Variants in AMMECR1 observed in about 807,000 individuals in gnomAD.
The protein encoded by AMMECR1 is nuclear protein AMMECR1.
AMMECR1 carries 3 observed loss-of-function variants against 22.5 expected under a neutral mutation model. That is an observed-to-expected ratio of 0.13 (90% confidence interval 0.06 to 0.35). The LOEUF is 0.35. Among genes scored for constraint, AMMECR1 ranks in the 10% least tolerant of loss-of-function variants. The pLI is 1.00. For missense variants in AMMECR1, 235 were observed against 278.7 expected, an observed-to-expected ratio of 0.84 and a Z score of 1.12; for synonymous variants, 130 against 116.7, an observed-to-expected ratio of 1.11 and a Z score of -0.74.
Position 110,413,514 on chromosome X carries a change from A to AC in AMMECR1, c.-148+13143dup, listed in dbSNP as rs538812473. On this transcript the variant is annotated intron_variant, in intron 2 of 7. Transcript: ENST00000372057. Reference sequence around the variant, plus strand: ...CTTTATAACCATCCCCTCCTGGTCAACCCCCCCCCACCCCCACATTCAACG... The same window carrying AC: ...CTTTATAACCATCCCCTCCTGGTCAACCCCCCCCCCACCCCCACATTCAACG... Among the ~76,000 whole-genome samples the AC allele has an allele frequency of 6.1e-3, 572 of 93,188 alleles. 3 individuals carry two copies. Among genetic ancestry groups the AC allele is most frequent in the African/African-American group, 0.015 (372 of 24,595 alleles). The allele number at this position is 93,188 out of a possible 115,157, so 80.9% of individuals were successfully genotyped here.
Position 110,366,061 on chromosome X carries a change from C to T in AMMECR1, c.-147-48212G>A, listed in dbSNP as rs148421936. Among the ~76,000 whole-genome samples the T allele has an allele frequency of 9.6e-3, 1,064 of 111,372 alleles. 10 individuals are homozygous for T. Among genetic ancestry groups the T allele is most frequent in the African/African-American group, 0.033 (1,007 of 30,626 alleles). On this transcript the variant is annotated intron_variant, in intron 2 of 7. Coordinates refer to the AMMECR1 transcript ENST00000372057. ...TCAGCTGCAGAATAGAGAGATGGCCCGGGGAGGACATGTGTTGGTTCCTGC... is the reference window on the plus strand; with the variant it reads ...TCAGCTGCAGAATAGAGAGATGGCCTGGGGAGGACATGTGTTGGTTCCTGC...
chrX:110,345,764 T>C (rs892417460), intron 2 of AMMECR1, among the ~76,000 whole-genome samples: 2 of 111,442 alleles, frequency 1.8e-5, no homozygotes, highest in South Asian at 7.4e-4. Context: ...AAAAATACAA[T>C]AGTATTACCC....
At chrX:110,347,503 A>G (rs956412126) in intron 2 of AMMECR1, among the ~76,000 whole-genome samples, 1 of 112,808 alleles carries the variant, frequency 8.9e-6, no homozygotes, top group African/African-American at 3.2e-5. Flanking sequence ...TAATTCTGTA[A>G]TGTATTCTTC....
chrX:110,371,899 T>C (rs1196150977), intron 2 of AMMECR1, among the ~76,000 whole-genome samples: 3 of 111,543 alleles, frequency 2.7e-5, no homozygotes, highest in Admixed American at 9.5e-5. Flanking sequence ...GCTCACACTG[T>C]TATAAACAGT....
intron 2 of AMMECR1, among the ~76,000 whole-genome samples, chrX:110,413,264 C>T (rs1206806900): frequency 9.0e-6 from 1 of 111,485 alleles, no homozygotes; most frequent in Non-Finnish European, 1.9e-5. Flanking sequence ...ACCTCCGGGC[C>T]TGGAAGTGCT....
chrX:110,317,772 C>A lies in AMMECR1; in HGVS notation c.300G>T (p.Pro100=), dbSNP rs773829095. 2.5e-6 allele frequency: 3 copies of A among 1,176,496 alleles called. No homozygotes were observed. The highest frequency in any genetic ancestry group is 3.4e-6 in the Non-Finnish European group (3 of 877,685). ...SCGVGTLLST[P]AAATSSSPSS... ...AGGGTGAGGAAGAGGTGGCGGCGGC[C>A]GGGGTAGAAAGTAGGGTCCCCACTC... The change falls in exon 1 of 6, where the codon CCG becomes CCT. Residue 100 remains proline (P), a synonymous_variant. Coordinates refer to ENST00000262844, the MANE Select transcript of AMMECR1 (RefSeq NM_015365.3).
intron 1 of AMMECR1, among the ~76,000 whole-genome samples, chrX:110,287,549 C>T (rs2067886835): frequency 9.0e-6 from 1 of 111,611 alleles, no homozygotes; most frequent in African/African-American, 3.3e-5. Context: ...GGGAAGAAAT[C>T]AGTGTGTATA....
intron 2 of AMMECR1, among the ~76,000 whole-genome samples, chrX:110,381,494 C>T (rs2068418680): frequency 1.8e-5 from 2 of 111,662 alleles, no homozygotes; most frequent in South Asian, 7.5e-4. Flanking sequence ...GTTAGTTCAG[C>T]CCCTGTGGAA....
Position 110,198,405 on chromosome X carries a change from C to T in AMMECR1, c.*115G>A, listed in dbSNP as rs778379138. On this transcript the variant is annotated 3_prime_UTR_variant, in exon 6 of 6. Transcript: ENST00000262844. ...CGATGTCGAAGCTTCACCATGGCAA[C>T]GGAAACTATCATCATAAAATGGTAC... The T allele has an allele frequency of 1.9e-5, 7 of 376,458 alleles. No homozygotes were observed. Among genetic ancestry groups the T allele is most frequent in the East Asian group, 8.7e-5 (2 of 23,017 alleles). 31.0% of individuals were successfully genotyped at this position (376,458 alleles called of 1,213,427 possible).
chrX:110,366,998 T>C (rs1045745013), intron 2 of AMMECR1, among the ~76,000 whole-genome samples: 1 of 111,931 alleles, frequency 8.9e-6, no homozygotes, highest in African/African-American at 3.3e-5. Flanking sequence ...ATAGAAGTTG[T>C]CAGAAAAGAA....
intron 2 of AMMECR1, among the ~76,000 whole-genome samples, chrX:110,362,142 AAT>A (rs1335591083): frequency 3.6e-5 from 4 of 111,334 alleles, no homozygotes; most frequent in Non-Finnish European, 7.6e-5. Flanking sequence ...TGGAATAAAA[AAT>A]ATATATATAT....
Position 110,340,146 on chromosome X carries a change from G to A in AMMECR1, c.-147-22297C>T, listed in dbSNP as rs12688277. 2.2e-4 allele frequency among the ~76,000 whole-genome samples: 24 copies of A among 110,710 alleles called. No homozygotes were observed. The East Asian group carries it at 6.8e-3, about 31-fold the overall frequency. ...CTTTGGGCCTCATCTATTAAATGGG[G>A]ATGATGATGGTGGTGGTGATGATGA... On this transcript the variant is annotated intron_variant, in intron 2 of 7. Coordinates refer to the AMMECR1 transcript ENST00000372057.
At chrX:110,202,199 T>C (rs1000791828) in intron 4 of AMMECR1, among the ~76,000 whole-genome samples, 2 of 112,218 alleles carry the variant, frequency 1.8e-5, no homozygotes, top group African/African-American at 3.2e-5. Context: ...CCAACTAATA[T>C]AAATTCTGCT....
chrX:110,355,883 T>C (rs192639313), intron 2 of AMMECR1, among the ~76,000 whole-genome samples: 28 of 111,688 alleles, frequency 2.5e-4, no homozygotes, highest in African/African-American at 9.1e-4. Context: ...CTATACACGA[T>C]GGAATACTAT....
intron 2 of AMMECR1, among the ~76,000 whole-genome samples, chrX:110,405,079 C>T (rs1346454735): frequency 3.4e-5 from 3 of 86,972 alleles, no homozygotes; most frequent in African/African-American, 6.1e-5. Flanking sequence ...TTCAGGTGTG[C>T]TTGTTGTGTC....
intron 2 of AMMECR1, among the ~76,000 whole-genome samples, chrX:110,347,411 TAGA>T (rs2068195050): frequency 8.8e-6 from 1 of 113,242 alleles, no homozygotes; most frequent in South Asian, 3.6e-4. Flanking sequence ...GTAGCCACCT[TAGA>T]GGGTTGCAGA....
chrX:110,341,413 A>G (rs925680580), intron 2 of AMMECR1, among the ~76,000 whole-genome samples: 3 of 112,597 alleles, frequency 2.7e-5, no homozygotes, highest in African/African-American at 9.7e-5. Flanking sequence ...TTTCACTTTC[A>G]GTGGTTTCAA....
At chrX:110,327,314 C>A (rs2148232344) in intron 2 of AMMECR1, among the ~76,000 whole-genome samples, 1 of 111,833 alleles carries the variant, frequency 8.9e-6, no homozygotes, top group Non-Finnish European at 1.9e-5. Flanking sequence ...GATGAACTGG[C>A]TAATGAGACT....
At chrX:110,420,156 C>T (rs1258941911) in intron 2 of AMMECR1, among the ~76,000 whole-genome samples, 2 of 111,722 alleles carry the variant, frequency 1.8e-5, no homozygotes, top group East Asian at 2.8e-4. Flanking sequence ...CCCCCAGGCA[C>T]GATTCTACTA....
Sources: allele counts gnomAD v4.1 joint callset (sites outside exome capture counted in the v4.1 genomes callset), GRCh38; gene constraint gnomAD v4.1.1; transcripts MANE v1.5; gene names NCBI Gene and HGNC (gene_info 2026-07-23, HGNC 2026-07-21).